The following NCKAP5 variants were observed in gnomAD, a reference collection of about 807,000 sequenced individuals.
NCKAP5 encodes the protein nck-associated protein 5.
In NCKAP5, 92 loss-of-function variants were observed where a neutral mutation model predicts 167.0. The ratio of observed to expected loss-of-function variants is 0.55; its 90% CI spans 0.47 to 0.66. The LOEUF (loss-of-function observed/expected upper bound fraction) is 0.66, where lower values mean the gene tolerates loss of function less well. NCKAP5 is among the 30% of genes least tolerant of loss of function. NCKAP5 has a pLI of 0.00. For missense variants in NCKAP5, 2,378 were observed against 2,315.0 expected (o/e 1.03, Z -0.56); for synonymous variants, 891 against 877.4 (o/e 1.02, Z -0.27).
chr2:133,264,294 C>T (rs1320192398), intron 4 of NCKAP5, among the ~76,000 whole-genome samples: 3 of 152,166 alleles, frequency 2.0e-5, no homozygotes, highest in Non-Finnish European at 4.4e-5. Flanking sequence ...ATTACTGGGC[C>T]TTTTGGTGGA....
intron 8 of NCKAP5, among the ~76,000 whole-genome samples, chr2:132,897,316 T>C (rs962560072): frequency 1.3e-5 from 2 of 152,120 alleles, no homozygotes; most frequent in African/African-American, 4.8e-5. Context: ...ATGGATGAAA[T>C]GTCAGGCTGG....
chr2:133,393,671 T>C (rs1057059471), intron 3 of NCKAP5, among the ~76,000 whole-genome samples: 1 of 152,220 alleles, frequency 6.6e-6, no homozygotes, highest in Non-Finnish European at 1.5e-5. Flanking sequence ...CTACCACCTG[T>C]TTCAGGAGTT....
At chr2:133,441,826 C>A (rs1451640498) in intron 3 of NCKAP5, among the ~76,000 whole-genome samples, 3 of 152,162 alleles carry the variant, frequency 2.0e-5, no homozygotes, top group Non-Finnish European at 4.4e-5. Flanking sequence ...CCTAAGCGAA[C>A]TCTCAGGGAA....
chr2:132,986,553 A>C (rs2077294718), intron 7 of NCKAP5, among the ~76,000 whole-genome samples: 1 of 152,216 alleles, frequency 6.6e-6, no homozygotes. Flanking sequence ...TGAAAACCAC[A>C]AACACTTCAA....
chr2:133,293,292 G>A (rs1209033212), intron 4 of NCKAP5, among the ~76,000 whole-genome samples: 2 of 152,220 alleles, frequency 1.3e-5, no homozygotes, highest in South Asian at 2.1e-4. Context: ...CAGATAGAAA[G>A]TGAGTGCAGA....
At chr2:133,252,971 G>A (rs542246426) in intron 4 of NCKAP5, among the ~76,000 whole-genome samples, 1 of 152,320 alleles carries the variant, frequency 6.6e-6, no homozygotes, top group Admixed American at 6.5e-5. Flanking sequence ...TGTGGCACGT[G>A]AGGTGAAGAC....
At chr2:133,425,387 C>T (rs141226292) in intron 3 of NCKAP5, among the ~76,000 whole-genome samples, 25 of 152,168 alleles carry the variant, frequency 1.6e-4, no homozygotes, top group African/African-American at 5.1e-4. Context: ...ACAGTATGTA[C>T]GTGAAACATC....
intron 3 of NCKAP5, among the ~76,000 whole-genome samples, chr2:133,335,792 A>C (rs1683172219): frequency 6.6e-6 from 1 of 152,194 alleles, no homozygotes; most frequent in Admixed American, 6.6e-5. Context: ...TTGCTAAGTG[A>C]AGTAATTAGA....
intron 3 of NCKAP5, among the ~76,000 whole-genome samples, chr2:133,494,703 T>C (rs1167098622): frequency 6.6e-6 from 1 of 152,144 alleles, no homozygotes; most frequent in East Asian, 1.9e-4. Flanking sequence ...TTAAGACTGA[T>C]AAAATAGACT....
At chr2:133,165,627 G>C (rs764811501) in intron 5 of NCKAP5, among the ~76,000 whole-genome samples, 4 of 152,162 alleles carry the variant, frequency 2.6e-5, no homozygotes, top group Non-Finnish European at 4.4e-5. Context: ...AGGGTGTCCA[G>C]TGCTGACAAC....
At chr2:133,269,539 C>T (rs568333829) in intron 4 of NCKAP5, among the ~76,000 whole-genome samples, 1 of 152,142 alleles carries the variant, frequency 6.6e-6, no homozygotes, top group Non-Finnish European at 1.5e-5. Context: ...AATATGATTG[C>T]ACCTGGCAAG....
At chr2:133,113,857 G>A (rs1377143606) in intron 6 of NCKAP5, among the ~76,000 whole-genome samples, 1 of 152,166 alleles carries the variant, frequency 6.6e-6, no homozygotes, top group Non-Finnish European at 1.5e-5. Flanking sequence ...AAGAAAGGGA[G>A]CCAACCAAAC....
At chr2:133,539,636 C>T (rs1278417953) in intron 2 of NCKAP5, among the ~76,000 whole-genome samples, 5 of 151,970 alleles carry the variant, frequency 3.3e-5, no homozygotes, top group Non-Finnish European at 7.4e-5. Flanking sequence ...AAAAAAACTA[C>T]GGTCTAAAAT....
At chr2:133,417,698 G>T (rs1689207792) in intron 3 of NCKAP5, among the ~76,000 whole-genome samples, 1 of 127,322 alleles carries the variant, frequency 7.9e-6, no homozygotes, top group East Asian at 2.3e-4. Flanking sequence ...TAGATCAAAG[G>T]ATGGAACAAC....
At chr2:133,370,262 T>A (rs1191868662) in intron 3 of NCKAP5, among the ~76,000 whole-genome samples, 1 of 152,194 alleles carries the variant, frequency 6.6e-6, no homozygotes, top group African/African-American at 2.4e-5. Flanking sequence ...GGGAAAGAAA[T>A]GATAGAAAAG....
intron 16 of NCKAP5, among the ~76,000 whole-genome samples, chr2:132,756,082 G>T (rs1449383549): frequency 2.0e-5 from 3 of 152,008 alleles, no homozygotes; most frequent in African/African-American, 7.2e-5. Context: ...AGGGAGAACT[G>T]GAGGAGGCCT....
At chr2:133,516,784 G>A (rs1160091825) in intron 3 of NCKAP5, among the ~76,000 whole-genome samples, 1 of 152,174 alleles carries the variant, frequency 6.6e-6, no homozygotes, top group Non-Finnish European at 1.5e-5. Flanking sequence ...TTTCAAGTTT[G>A]CTTGATTTGA....
At chr2:132,801,247 C>T (rs542481886) in intron 11 of NCKAP5, among the ~76,000 whole-genome samples, 4 of 152,250 alleles carry the variant, frequency 2.6e-5, no homozygotes, top group South Asian at 4.1e-4. Flanking sequence ...GGAAAAGAAA[C>T]GACTTTTCTG....
chr2:133,562,450 C>CT (rs1688227844), intron 1 of NCKAP5, among the ~76,000 whole-genome samples: 1 of 152,180 alleles, frequency 6.6e-6, no homozygotes, highest in South Asian at 2.1e-4. Context: ...TTGGGCTGGC[C>CT]TGGATCAGTT....
Sources: gnomAD v4.1 joint callset for allele counts (sites outside exome capture counted in the v4.1 genomes callset) on GRCh38, gnomAD v4.1.1 for gene constraint, MANE v1.5 for transcripts, NCBI Gene and HGNC (gene_info 2026-07-23, HGNC 2026-07-21) for gene names.